ACAP1: variants seen among roughly 807,000 people sequenced by gnomAD.
ACAP1 encodes ArfGAP with coiled-coil, ankyrin repeat and PH domains 1.
Under a neutral mutation model 98.8 loss-of-function variants are expected in ACAP1, and 45 were observed. That is an observed-to-expected ratio of 0.46 (90% CI 0.36 to 0.58). The LOEUF is 0.58. Ranked by LOEUF, ACAP1 falls within the 20% of genes least tolerant of loss-of-function variation. ACAP1 has a pLI of 0.00. For synonymous variants in ACAP1, 362 were observed against 375.3 expected, an observed-to-expected ratio of 0.96 and a Z score of 0.41; for missense variants, 735 against 971.4, an observed-to-expected ratio of 0.76 and a Z score of 3.24.
chr17:7,348,636 A>C (rs2073371859), intron 17 of ACAP1, 161 bp downstream of exon 17: 3 of 800,004 alleles, frequency 3.7e-6, no homozygotes, highest in Non-Finnish European at 3.7e-6. Context: ...TGACATTAAG[A>C]ATGAGAAGGA....
rs982414506 is a variant in ACAP1 at position 7,343,705 on chromosome 17, G to C, written c.529-1G>C. On this transcript the variant is annotated splice_acceptor_variant, in intron 6 of 21. Coordinates refer to ENST00000158762, the MANE Select transcript of ACAP1 (RefSeq NM_014716.4). LOFTEE classifies it high-confidence loss of function. The surrounding 1 kb of genome is among the most constrained non-coding windows in gnomAD (Gnocchi z 4.9). ...TTTTACGTCCTCTTTTACGTCCTCA[G>C]ATCAACGTGATTGAGGACAAGAGGA... The C allele has an allele frequency of 3.7e-6, 6 of 1,613,876 alleles. No individual in the cohort carries two copies. The highest frequency in any genetic ancestry group is 1.3e-5 in the African/African-American group (1 of 74,918).
intron 10 of ACAP1, chr17:7,345,690 T>G (rs906279040): frequency 6.6e-6 from 1 of 152,420 alleles, no homozygotes; most frequent in Non-Finnish European, 1.5e-5. Context: ...CCTCGCTATG[T>G]TGCGCAGGCT....
chr17:7,341,724 T>C (rs913630965), intron 2 of ACAP1, among the ~76,000 whole-genome samples: 3 of 152,092 alleles, frequency 2.0e-5, no homozygotes, highest in South Asian at 2.1e-4. Flanking sequence ...TGGGCAGGAA[T>C]TGGGTTTCAG....
rs1307001599 is a variant in ACAP1, at chr17:7,346,482, C to T, written c.998C>T (p.Ser333Phe). 1 of 1,606,848 alleles carries T rather than the reference C, an allele frequency of 6.2e-7. No homozygotes were observed. The highest frequency in any genetic ancestry group is 8.5e-7 in the Non-Finnish European group (1 of 1,176,770). Residue 333 changes from serine to phenylalanine, a missense_variant, in exon 12 of 22, where the codon TCC becomes TTC. Coordinates refer to ENST00000158762, the MANE Select transcript of ACAP1 (RefSeq NM_014716.4). ...SERRFCFEVVSTSKSCLLQAD... is the reference protein window; with the variant it reads ...SERRFCFEVVFTSKSCLLQAD... ...AGGCGGTTCTGCTTTGAGGTGGTGT[C>T]CACCAGCAAGTGAGTGCAATCCCCA...
chr17:7,336,778 C>G lies in ACAP1; in HGVS notation c.44C>G (p.Pro15Arg). 1 of 1,613,906 alleles carries G rather than the reference C, an allele frequency of 6.2e-7. No individual in the cohort carries two copies. Among genetic ancestry groups the G allele is most frequent in the Non-Finnish European group, 8.5e-7 (1 of 1,179,854 alleles). Residue 15 changes from proline (P) to arginine (R), a missense_variant, in exon 1 of 22, where the codon CCC becomes CGC. Physicochemically the swap from Pro to Arg is moderately radical, Grantham distance 103. Coordinates refer to ENST00000158762, the MANE Select transcript of ACAP1 (RefSeq NM_014716.4). The stretch of plus-strand genomic sequence containing the variant: ...TTCGAGGAGTGTCTCAAGGACTCAC[C>G]CCGTTTCCGGTAAGTGTGAACTGGT... ...LDFEECLKDS[P>R]RFRASIELVE...
At position 7,342,013 on chromosome 17, in the gene ACAP1, C is replaced by T. The variant is rs374908004; in HGVS notation, c.177C>T (p.Phe59=). ...GRHYLAASRA[F]VVGICDLARL... is the part of the protein sequence containing the mutation. ...ATTACCTTGCTGCCAGCCGCGCCTT[C>T]GTTGTCGGCATTTGTGACCTGGCCC... The change falls in exon 3 of 22, where the codon TTC becomes TTT. Residue 59 remains phenylalanine, a synonymous_variant. Coordinates refer to ENST00000158762, the MANE Select transcript of ACAP1 (RefSeq NM_014716.4). The T allele has an allele frequency of 2.5e-5, 41 of 1,614,068 alleles. No homozygotes were observed. Among genetic ancestry groups the T allele is most frequent in the Admixed American group, 1.7e-4 (10 of 60,024 alleles).
chr17:7,341,960 G>C lies in ACAP1; in HGVS notation c.124G>C (p.Gly42Arg). 1 of 1,614,186 alleles carries C rather than the reference G, an allele frequency of 6.2e-7. No homozygotes were observed. The highest frequency in any genetic ancestry group is 8.5e-7 in the Non-Finnish European group (1 of 1,180,026). Residue 42 changes from glycine to arginine, a missense_variant, in exon 3 of 22, where the codon GGC (glycine) becomes CGC (arginine). This residue lies in a region of ACAP1 where 430 missense variants were observed against 531.8 expected (regional missense o/e 0.81). Transcript: ENST00000158762. ...ETRLEKLLKL[G>R]TGLLESGRHY... ...CCTTCTTTCCCAGCTCCTGAAACTGGGCACTGGTCTCCTGGAAAGTGGGCG... is the reference window on the plus strand; with the variant it reads ...CCTTCTTTCCCAGCTCCTGAAACTGCGCACTGGTCTCCTGGAAAGTGGGCG...
Position 7,344,653 on chromosome 17 carries a change from G to A in ACAP1, c.854+5G>A, listed in dbSNP as rs549465730. Reference sequence around the variant, plus strand: ...CGCATTTAAGACCTGGAGCAGGTGAGGAGAGGACACCCCCAATCAGCCCGC... The same window carrying A: ...CGCATTTAAGACCTGGAGCAGGTGAAGAGAGGACACCCCCAATCAGCCCGC... On this transcript the variant is annotated splice_donor_5th_base_variant and intron_variant, in intron 10 of 21. Transcript: ENST00000158762. This position sits in a 1 kb window ranked among gnomAD's most constrained non-coding sequence, Gnocchi z 4.9. The A allele has an allele frequency of 5.2e-6, 8 of 1,547,722 alleles. No individual in the cohort carries two copies. Among genetic ancestry groups the A allele is most frequent in the Non-Finnish European group, 7.0e-6 (8 of 1,143,568 alleles).
rs544313981 is a variant in ACAP1, at chr17:7,351,238, A to C, written c.2123-57A>C. On this transcript the variant is annotated intron_variant, in intron 21 of 21. Coordinates refer to ENST00000158762, the MANE Select transcript of ACAP1 (RefSeq NM_014716.4). ...TCCCCAGGTGGGCCCCAACCGCCGGATCCTGCCCTTCTGCACTGGGGCCCA... is the reference window on the plus strand; with the variant it reads ...TCCCCAGGTGGGCCCCAACCGCCGGCTCCTGCCCTTCTGCACTGGGGCCCA... The C allele has an allele frequency of 6.4e-4, 923 of 1,451,184 alleles. 10 individuals carry two copies. The African/African-American group carries it at 0.012, about 18-fold the overall frequency. The allele number at this position is 1,451,184 out of a possible 1,614,324, so 89.9% of individuals were successfully genotyped here.
chr17:7,347,841 C>T (rs1821792579), intron 14 of ACAP1, 81 bp from the exon 15 acceptor site: 1 of 1,252,076 alleles, frequency 8.0e-7, no homozygotes, highest in Non-Finnish European at 1.2e-6. Context: ...CCTTGCCTCC[C>T]AGTGTCTTCA....
chr17:7,337,165 C>A, intron 1 of ACAP1, 147 bp from the exon 2 acceptor site: 1 of 757,344 alleles, frequency 1.3e-6, no homozygotes, highest in Non-Finnish European at 2.3e-6. Context: ...GCAGAGCGGG[C>A]AGAGCACAAG....
intron 2 of ACAP1, 51 bp from the exon 3 acceptor site, chr17:7,341,897 C>T (rs528621778): frequency 6.2e-6 from 10 of 1,608,102 alleles, no homozygotes; most frequent in East Asian, 2.2e-5. Context: ...GGGGGCATCA[C>T]CAGGTGTGAG....
chr17:7,336,692 C>T lies in ACAP1; in HGVS notation c.-43C>T. 2 of 1,611,510 alleles carry T rather than the reference C, an allele frequency of 1.2e-6. No homozygotes were observed. The highest frequency in any genetic ancestry group is 1.7e-6 in the Non-Finnish European group (2 of 1,177,980). On this transcript the variant is annotated 5_prime_UTR_variant, in exon 1 of 22. Coordinates refer to ENST00000158762, the MANE Select transcript of ACAP1 (RefSeq NM_014716.4). ...GTGCCTCCACCTGCATCCCCAGGGG[C>T]CCGGCCTCCAGGGCCCGCTGGCCCC...
Position 7,350,873 on chromosome 17 carries a change from G to C in ACAP1, c.2073-77G>C. 2 of 1,442,342 alleles carry C rather than the reference G, an allele frequency of 1.4e-6. No homozygotes were observed. The highest frequency in any genetic ancestry group is 2.3e-5 in the South Asian group (2 of 87,192). 89.3% of individuals were successfully genotyped at this position (1,442,342 alleles called of 1,614,324 possible). On this transcript the variant is annotated intron_variant, in intron 20 of 21. Coordinates refer to ENST00000158762, the MANE Select transcript of ACAP1 (RefSeq NM_014716.4). The surrounding 1 kb of genome is among the most constrained non-coding windows in gnomAD (Gnocchi z 4.6). ...GATCCGCCTGCCTCGGCCTCCCAAA[G>C]TGTTGGGATTACAGGCGTGAGCCAC...
intron 10 of ACAP1, chr17:7,345,283 C>G (rs1250821359): frequency 1.3e-5 from 2 of 152,062 alleles, no homozygotes; most frequent in African/African-American, 4.8e-5. Context: ...GAAAATGGAG[C>G]TGCTTCCCCA....
In ACAP1 at chr17:7,346,928, C is replaced by A. The variant is rs781221029; in HGVS notation, c.1128C>A (p.Gly376=). The A allele has an allele frequency of 6.2e-7, 1 of 1,610,156 alleles. No individual in the cohort carries two copies. The highest frequency in any genetic ancestry group is 8.5e-7 in the Non-Finnish European group (1 of 1,177,106). The part of the protein sequence containing the change: ...ARLDDSPRGP[G]QGSGHLAIGS... ...TTGATGACAGCCCCCGGGGTCCAGGCCAGGTACCTTAACCTGGGGGTGCGG... is the reference window on the plus strand; with the variant it reads ...TTGATGACAGCCCCCGGGGTCCAGGACAGGTACCTTAACCTGGGGGTGCGG... The change falls in exon 13 of 22, where the codon GGC becomes GGA. Residue 376 remains glycine (G), a synonymous_variant. Transcript: ENST00000158762.
Position 7,343,147 on chromosome 17 carries a change from T to C in ACAP1, c.345-232T>C. On this transcript the variant is annotated intron_variant, in intron 5 of 21. Coordinates refer to ENST00000158762, the MANE Select transcript of ACAP1 (RefSeq NM_014716.4). The surrounding 1 kb of genome is among the most constrained non-coding windows in gnomAD (Gnocchi z 4.9). ...GAGTGAGATGGGAGAGAAGGGGGCCTTATTTCTCGGAAACCAGCCCTGCTG... is the reference window on the plus strand; with the variant it reads ...GAGTGAGATGGGAGAGAAGGGGGCCCTATTTCTCGGAAACCAGCCCTGCTG... 2.1e-6 allele frequency: 1 copy of C among 473,662 alleles called. No individual in the cohort carries two copies. The highest frequency in any genetic ancestry group is 4.2e-5 in the South Asian group (1 of 23,724). The allele number at this position is 473,662 out of a possible 1,614,324, so 29.3% of individuals were successfully genotyped here. A position where few individuals can be genotyped will look rare whatever the true frequency, so the allele number is the denominator to read the frequency against.
chr17:7,346,866 C>T lies in ACAP1; in HGVS notation c.1066C>T (p.Gln356Ter), dbSNP rs1234250381. The stretch of plus-strand genomic sequence containing the variant: ...CCTGCAGCTGTGGGTCAGTGCTGTG[C>T]AGAGCAGCATTGCTTCTGCCTTCAG... ...RLLQLWVSAV[Q>*]SSIASAFSQA... is the part of the protein sequence containing the mutation. The change falls in exon 13 of 22, where the codon CAG becomes TAG. Residue 356 changes from glutamine (Q) to a stop codon, truncating the protein, a stop_gained. Coordinates refer to ENST00000158762, the MANE Select transcript of ACAP1 (RefSeq NM_014716.4). LOFTEE classifies it high-confidence loss of function. 1 of 1,613,682 alleles carries T rather than the reference C, an allele frequency of 6.2e-7. No individual in the cohort carries two copies. Among genetic ancestry groups the T allele is most frequent in the Admixed American group, 1.7e-5 (1 of 60,002 alleles).
Position 7,348,239 on chromosome 17 carries a change from C to T in ACAP1, c.1508+18C>T. 1.2e-6 allele frequency: 2 copies of T among 1,612,254 alleles called. No individual in the cohort carries two copies. The highest frequency in any genetic ancestry group is 1.7e-6 in the Non-Finnish European group (2 of 1,179,052). ...TGCTCCCGGTGAGCTTGGGGTTTAGCCTCCCAGGGGAATGGGGGACCCCTG... is the reference window on the plus strand; with the variant it reads ...TGCTCCCGGTGAGCTTGGGGTTTAGTCTCCCAGGGGAATGGGGGACCCCTG... On this transcript the variant is annotated intron_variant, in intron 16 of 21. Coordinates refer to ENST00000158762, the MANE Select transcript of ACAP1 (RefSeq NM_014716.4).
Sources: allele counts gnomAD v4.1 joint callset (sites outside exome capture counted in the v4.1 genomes callset), GRCh38; gene constraint gnomAD v4.1.1; regional missense constraint gnomAD v4.1.1; non-coding constraint Gnocchi (gnomAD v3.1); transcripts MANE v1.5; gene names NCBI Gene and HGNC (gene_info 2026-07-23, HGNC 2026-07-21).